The following LPP variants were observed in gnomAD, a reference collection of about 807,000 sequenced individuals.
LPP encodes the protein LIM domain containing preferred translocation partner in lipoma, also known as lipoma-preferred partner.
In LPP, 38 loss-of-function variants were observed where a neutral mutation model predicts 60.4. The observed-to-expected ratio is 0.63, with a 90% confidence interval of 0.49 to 0.83. The LOEUF (loss-of-function observed/expected upper bound fraction) is 0.83, where lower values mean the gene tolerates loss of function less well. LPP is among the 40% of genes least tolerant of loss of function. The probability of loss-of-function intolerance (pLI) is 0.00; values close to 1 mark genes in which losing one functional copy is unlikely to be tolerated. For missense variants in LPP, 902 were observed against 783.6 expected (o/e 1.15, Z -1.80); for synonymous variants, 328 against 290.8 (o/e 1.13, Z -1.30).
intron 9 of LPP, among the ~76,000 whole-genome samples, chr3:188,840,324 A>G (rs1354178541): frequency 6.6e-6 from 1 of 152,188 alleles, no homozygotes; most frequent in East Asian, 1.9e-4. Flanking sequence ...ATACAACTAC[A>G]TCTTCCTCTT....
intron 1 of LPP, among the ~76,000 whole-genome samples, chr3:188,183,644 C>T (rs991840442): frequency 6.6e-6 from 1 of 151,584 alleles, no homozygotes; most frequent in African/African-American, 2.4e-5. Flanking sequence ...CGGAATAGAA[C>T]TAATGACCAT....
intron 9 of LPP, among the ~76,000 whole-genome samples, chr3:188,781,298 G>T (rs1739568808): frequency 6.6e-6 from 1 of 152,146 alleles, no homozygotes; most frequent in African/African-American, 2.4e-5. Context: ...AAAGAGACTG[G>T]ATGACCACTC....
Position 188,867,389 on chromosome 3 carries a change from G to A in LPP, c.1589+1011G>A, listed in dbSNP as rs954776779. ...AGACAAAGTCTCACTCTGCTGCCCA[G>A]GCTGGAGTGCAGTAGTGCAATCTCA... On this transcript the variant is annotated intron_variant, in intron 10 of 11. Transcript: ENST00000617246. Among the ~76,000 whole-genome samples the A allele has an allele frequency of 1.2e-3, 175 of 151,242 alleles. 1 individual carries two copies. Among genetic ancestry groups the A allele is most frequent in the African/African-American group, 4.2e-3 (173 of 41,264 alleles).
chr3:188,400,139 T>C (rs773538685), intron 3 of LPP, among the ~76,000 whole-genome samples: 3 of 152,124 alleles, frequency 2.0e-5, no homozygotes, highest in Non-Finnish European at 4.4e-5. Flanking sequence ...GGGTACAGAA[T>C]AGAGAAAACA....
At chr3:188,657,258 G>GTATATATATATATATATATATATATAA (rs148151207) in intron 7 of LPP, among the ~76,000 whole-genome samples, 1 of 89,812 alleles carries the variant, frequency 1.1e-5, no homozygotes, top group Non-Finnish European at 2.1e-5. Context: ...CTGTCAAGGT[G>GTATATATATATATATATATATATATAA]TATATATATA....
chr3:188,745,321 C>T (rs1260765425), intron 8 of LPP, among the ~76,000 whole-genome samples: 1 of 152,122 alleles, frequency 6.6e-6, no homozygotes, highest in African/African-American at 2.4e-5. Flanking sequence ...TTATGCCCTA[C>T]ATTATCTATC....
At chr3:188,652,008 A>G (rs1330339824) in intron 7 of LPP, among the ~76,000 whole-genome samples, 1 of 152,188 alleles carries the variant, frequency 6.6e-6, no homozygotes, top group Admixed American at 6.5e-5. Context: ...TTCACTGCTT[A>G]TAAGTGGTAA....
At chr3:188,154,683 G>A (rs1298945291) in intron 1 of LPP, among the ~76,000 whole-genome samples, 1 of 152,230 alleles carries the variant, frequency 6.6e-6, no homozygotes, top group East Asian at 1.9e-4. Context: ...TTATTTACTA[G>A]AGGCCAGACC....
chr3:188,177,210 G>A (rs1405174184), intron 1 of LPP, among the ~76,000 whole-genome samples: 1 of 152,214 alleles, frequency 6.6e-6, no homozygotes, highest in Non-Finnish European at 1.5e-5. Context: ...GCCCAGCGAG[G>A]GGATCGCCTG....
chr3:188,377,155 A>C (rs1438542768), intron 3 of LPP, among the ~76,000 whole-genome samples: 2 of 152,036 alleles, frequency 1.3e-5, no homozygotes, highest in Non-Finnish European at 2.9e-5. Flanking sequence ...CCTTCATTTC[A>C]ACTTTGGTGA....
chr3:188,384,552 G>A (rs1352577423), intron 3 of LPP, among the ~76,000 whole-genome samples: 4 of 152,102 alleles, frequency 2.6e-5, no homozygotes, highest in African/African-American at 9.7e-5. Flanking sequence ...AGCACTTTGG[G>A]AGGCTGAGGC....
chr3:188,459,264 A>G (rs1350785706), intron 4 of LPP, among the ~76,000 whole-genome samples: 1 of 152,196 alleles, frequency 6.6e-6, no homozygotes, highest in Non-Finnish European at 1.5e-5. Flanking sequence ...CTGTTTGACT[A>G]GATTACCTAG....
intron 9 of LPP, among the ~76,000 whole-genome samples, chr3:188,850,891 A>G (rs1340359120): frequency 6.6e-6 from 1 of 152,174 alleles, no homozygotes; most frequent in East Asian, 1.9e-4. Context: ...TCTCATAAGG[A>G]ATGATGGAAG....
At chr3:188,353,785 CA>C (rs1282606284) in intron 3 of LPP, among the ~76,000 whole-genome samples, 1 of 152,100 alleles carries the variant, frequency 6.6e-6, no homozygotes, top group African/African-American at 2.4e-5. Flanking sequence ...TCAGTAAAGC[CA>C]GAAGGAAAAT....
intron 2 of LPP, among the ~76,000 whole-genome samples, chr3:188,264,686 C>A (rs1378822426): frequency 6.6e-6 from 1 of 152,100 alleles, no homozygotes; most frequent in Non-Finnish European, 1.5e-5. Flanking sequence ...CCAAAGCTGA[C>A]CAGCAGCACA....
At chr3:188,240,262 AG>A in intron 2 of LPP, 1 of 171,542 alleles carries the variant, frequency 5.8e-6, no homozygotes, top group Non-Finnish European at 1.3e-5. Flanking sequence ...AAAAGTAGTG[AG>A]GGGGAACATG....
intron 8 of LPP, among the ~76,000 whole-genome samples, chr3:188,735,182 GGTT>G (rs1373808452): frequency 6.6e-6 from 1 of 151,814 alleles, no homozygotes; most frequent in East Asian, 1.9e-4. Flanking sequence ...GTTTCTCAGT[GGTT>G]GTTCTGTGTT....
intron 8 of LPP, among the ~76,000 whole-genome samples, chr3:188,757,224 C>T (rs1730564174): frequency 1.3e-5 from 1 of 79,128 alleles, no homozygotes; most frequent in Admixed American, 1.2e-4. Context: ...GAGGCACTGA[C>T]ATCGTGACAT....
chr3:188,442,680 T>C (rs1484837063), intron 4 of LPP, among the ~76,000 whole-genome samples: 1 of 152,200 alleles, frequency 6.6e-6, no homozygotes, highest in East Asian at 1.9e-4. Flanking sequence ...TTTTCTGTTT[T>C]GATTATTATG....
Sources: allele counts gnomAD v4.1 joint callset (sites outside exome capture counted in the v4.1 genomes callset), GRCh38; gene constraint gnomAD v4.1.1; transcripts MANE v1.5; gene names NCBI Gene and HGNC (gene_info 2026-07-23, HGNC 2026-07-21).